SERINC5: variants seen among roughly 807,000 people sequenced by gnomAD.
The protein encoded by SERINC5 is chromosome 5 open reading frame 12.
In SERINC5, 41 loss-of-function variants were observed where a neutral mutation model predicts 63.1. The observed-to-expected ratio is 0.65, with a 90% CI of 0.51 to 0.84. SERINC5 has a LOEUF of 0.84. SERINC5 is among the 40% of genes least tolerant of loss of function. The pLI is 0.00. For missense variants in SERINC5, 523 were observed against 573.0 expected (o/e 0.91, Z 0.89); for synonymous variants, 222 against 215.2 (o/e 1.03, Z -0.28).
chr5:80,111,300 G>A (rs969261894), downstream of SERINC5, among the ~76,000 whole-genome samples: 1 of 152,152 alleles, frequency 6.6e-6, no homozygotes, highest in Non-Finnish European at 1.5e-5. Flanking sequence ...CCCTGAAGAA[G>A]GGGCTAGATT....
At chr5:80,204,605 T>G (rs1201982547) in intron 1 of SERINC5, among the ~76,000 whole-genome samples, 1 of 152,202 alleles carries the variant, frequency 6.6e-6, no homozygotes, top group East Asian at 1.9e-4. Context: ...AGATGCCCAA[T>G]TATTACACAG....
At position 80,142,313 on chromosome 5, in the gene SERINC5, A is replaced by G; in HGVS notation, c.*1350T>C. Reference sequence around the variant, plus strand: ...GTGCAGCGTGATCTCGGCTCACTGCAACCTCCGCCTCCCGGGTTCAAGTGA... The same window carrying G: ...GTGCAGCGTGATCTCGGCTCACTGCGACCTCCGCCTCCCGGGTTCAAGTGA... On this transcript the variant is annotated 3_prime_UTR_variant, in exon 12 of 12. Coordinates refer to ENST00000507668, the MANE Select transcript of SERINC5 (RefSeq NM_001174072.3). The G allele has an allele frequency of 3.1e-6, 3 of 979,386 alleles. No individual in the cohort carries two copies. The highest frequency in any genetic ancestry group is 3.6e-6 in the Non-Finnish European group (3 of 824,458). 60.7% of individuals were successfully genotyped at this position (979,386 alleles called of 1,614,324 possible).
intron 11 of SERINC5, among the ~76,000 whole-genome samples, chr5:80,115,596 G>A (rs1418703550): frequency 6.6e-6 from 1 of 152,004 alleles, no homozygotes; most frequent in African/African-American, 2.4e-5. Context: ...TTGACAAATA[G>A]CAGGTATTCT....
chr5:80,176,698 A>AGG (rs753998247), intron 4 of SERINC5, among the ~76,000 whole-genome samples: 1 of 152,148 alleles, frequency 6.6e-6, no homozygotes, highest in Non-Finnish European at 1.5e-5. Flanking sequence ...CAGCCTCCCA[A>AGG]AGTGCTAGGA....
intron 9 of SERINC5, 64 bp downstream of exon 9, chr5:80,150,818 A>G: frequency 8.8e-7 from 1 of 1,130,450 alleles, no homozygotes; most frequent in Non-Finnish European, 1.4e-6. Flanking sequence ...CACAAACACA[A>G]AAGGCCCTCC....
chr5:80,211,005 G>A (rs866183182), intron 1 of SERINC5, among the ~76,000 whole-genome samples: 7 of 152,320 alleles, frequency 4.6e-5, no homozygotes, highest in South Asian at 2.1e-4. Context: ...TGGAAAGAGA[G>A]CATGGTGGCA....
chr5:80,198,461 T>C, intron 2 of SERINC5: 3 of 926,784 alleles, frequency 3.2e-6, no homozygotes, highest in Non-Finnish European at 3.9e-6. Flanking sequence ...TGGAAATAAC[T>C]GACAAGGGAG....
At chr5:80,127,653 G>C (rs1744795855) in intron 11 of SERINC5, among the ~76,000 whole-genome samples, 1 of 151,852 alleles carries the variant, frequency 6.6e-6, no homozygotes, top group African/African-American at 2.4e-5. Flanking sequence ...TAAATTATAT[G>C]TTTTAAAACT....
intron 8 of SERINC5, 56 bp downstream of exon 8, chr5:80,158,780 T>G: frequency 2.6e-6 from 4 of 1,556,810 alleles, no homozygotes; most frequent in Non-Finnish European, 3.5e-6. Context: ...ATTTCAATTC[T>G]TTTCCTGTAA....
chr5:80,134,273 A>C (rs1745065896), downstream of SERINC5, among the ~76,000 whole-genome samples: 1 of 151,956 alleles, frequency 6.6e-6, no homozygotes, highest in African/African-American at 2.4e-5. Flanking sequence ...ATCATTTGAG[A>C]TCAGGAGTTC....
chr5:80,201,139 A>G (rs189529631), intron 2 of SERINC5, among the ~76,000 whole-genome samples: 1 of 152,214 alleles, frequency 6.6e-6, no homozygotes, highest in African/African-American at 2.4e-5. Flanking sequence ...TAAAAAAAAT[A>G]AAATAGCCCT....
intron 8 of SERINC5, among the ~76,000 whole-genome samples, chr5:80,155,422 G>A (rs1165845349): frequency 2.0e-5 from 3 of 152,088 alleles, no homozygotes; most frequent in Non-Finnish European, 4.4e-5. Flanking sequence ...AAAATTAGCC[G>A]GGCATGGTGG....
chr5:80,140,726 C>G lies in SERINC5; in HGVS notation c.*2937G>C, dbSNP rs1745458867. The G allele has an allele frequency of 2.0e-6, 2 of 985,204 alleles. No individual in the cohort carries two copies. The highest frequency in any genetic ancestry group is 1.7e-5 in the African/African-American group (1 of 57,182). 61.0% of individuals were successfully genotyped at this position (985,204 alleles called of 1,614,324 possible). On this transcript the variant is annotated 3_prime_UTR_variant, in exon 12 of 12. Transcript: ENST00000507668. ...GGTATGACACTCCCATAAGAACCCCCACCCCCCTGCCACCCACTTAGTGTT... is the reference window on the plus strand; with the variant it reads ...GGTATGACACTCCCATAAGAACCCCGACCCCCCTGCCACCCACTTAGTGTT...
chr5:80,140,099 G>A lies in SERINC5; in HGVS notation c.*3564C>T, dbSNP rs769547707. ...AATCCCAGCACTTTGGGAAGCCAAG[G>A]CGGGCACATTGCTTGAGCTCAGGAG... On this transcript the variant is annotated 3_prime_UTR_variant, in exon 12 of 12. Transcript: ENST00000507668. The A allele has an allele frequency of 3.4e-5, 32 of 947,120 alleles. No individual in the cohort carries two copies. The highest frequency in any genetic ancestry group is 3.6e-5 in the Non-Finnish European group (29 of 795,254). The allele number at this position is 947,120 out of a possible 1,614,324, so 58.7% of individuals were successfully genotyped here. A position where few individuals can be genotyped will look rare whatever the true frequency, so the allele number is the denominator to read the frequency against.
At chr5:80,190,106 CTTTTTTT>C (rs11422784) in intron 2 of SERINC5, among the ~76,000 whole-genome samples, 5 of 93,242 alleles carry the variant, frequency 5.4e-5, no homozygotes, top group Admixed American at 4.3e-4. Flanking sequence ...GTCTCCCGTA[CTTTTTTT>C]TTTTTTTTTT....
At chr5:80,148,754 C>G (rs1745989163) in intron 9 of SERINC5, among the ~76,000 whole-genome samples, 1 of 151,976 alleles carries the variant, frequency 6.6e-6, no homozygotes, top group Non-Finnish European at 1.5e-5. Flanking sequence ...AAGTGCAGGG[C>G]CCTTAGCACT....
At chr5:80,255,479 A>G (rs1752617326) in intron 1 of SERINC5, among the ~76,000 whole-genome samples, 1 of 152,174 alleles carries the variant, frequency 6.6e-6, no homozygotes, top group African/African-American at 2.4e-5. Flanking sequence ...TATTCAGGGC[A>G]TAGCAAAGGA....
intron 3 of SERINC5, among the ~76,000 whole-genome samples, chr5:80,177,624 G>A (rs1748121491): frequency 6.6e-6 from 1 of 152,192 alleles, no homozygotes; most frequent in South Asian, 2.1e-4. Flanking sequence ...TGCAGGGGTG[G>A]AAATGACCTG....
At chr5:80,174,809 G>A (rs1190315129) in intron 5 of SERINC5, 145 bp downstream of exon 5, 3 of 561,198 alleles carry the variant, frequency 5.3e-6, no homozygotes, top group African/African-American at 1.9e-5. Flanking sequence ...AGTGAATGAA[G>A]GAGAGGAGTA....
Sources: allele counts gnomAD v4.1 joint callset (sites outside exome capture counted in the v4.1 genomes callset), GRCh38; gene constraint gnomAD v4.1.1; transcripts MANE v1.5; gene names NCBI Gene and HGNC (gene_info 2026-07-23, HGNC 2026-07-21).